BMERB1: variants seen among roughly 807,000 people sequenced by gnomAD.
BMERB1 encodes the protein bMERB domain containing 1, also known as bMERB domain-containing protein 1.
BMERB1 carries 12 observed loss-of-function variants against 23.6 expected under a neutral mutation model. The ratio of observed to expected loss-of-function variants is 0.51; its 90% CI spans 0.33 to 0.82. The LOEUF (loss-of-function observed/expected upper bound fraction) is 0.82. Ranked by LOEUF, BMERB1 falls within the 40% of genes least tolerant of loss-of-function variation. The pLI, the probability that BMERB1 is intolerant of heterozygous loss-of-function variation, is 0.03. For synonymous variants in BMERB1, 122 were observed against 96.6 expected (o/e 1.26, Z -1.54); for missense variants, 247 against 255.4 (o/e 0.97, Z 0.22).
At chr16:15,504,408 G>C (rs536234928) in intron 1 of BMERB1, among the ~76,000 whole-genome samples, 50 of 152,092 alleles carry the variant, frequency 3.3e-4, no homozygotes, top group Non-Finnish European at 5.3e-4. Flanking sequence ...ATGAGGAGTA[G>C]AGGGGAATTC....
intron 2 of BMERB1, among the ~76,000 whole-genome samples, chr16:15,517,908 T>G (rs1454891780): frequency 1.4e-5 from 2 of 141,270 alleles, no homozygotes; most frequent in Non-Finnish European, 3.0e-5. Context: ...TCTGTGTGTG[T>G]GTATGTGTGT....
At chr16:15,460,493 G>A (rs1050929701) in intron 1 of BMERB1, among the ~76,000 whole-genome samples, 1 of 152,124 alleles carries the variant, frequency 6.6e-6, no homozygotes, top group African/African-American at 2.4e-5. Flanking sequence ...TTAATAAAAA[G>A]TAAGACATTA....
At chr16:15,442,000 G>A (rs1237772704) in intron 1 of BMERB1, among the ~76,000 whole-genome samples, 1 of 152,106 alleles carries the variant, frequency 6.6e-6, no homozygotes, top group Non-Finnish European at 1.5e-5. Context: ...AGGGCCCCAT[G>A]GGTTGTCCTC....
intron 2 of BMERB1, among the ~76,000 whole-genome samples, chr16:15,562,230 G>A (rs1051524517): frequency 6.7e-6 from 1 of 150,102 alleles, no homozygotes; most frequent in Non-Finnish European, 1.5e-5. Flanking sequence ...TTGAACCCGG[G>A]AGGCAAAGGT....
intron 3 of BMERB1, among the ~76,000 whole-genome samples, chr16:15,574,294 T>C (rs2030805211): frequency 6.6e-6 from 1 of 152,122 alleles, no homozygotes; most frequent in South Asian, 2.1e-4. Flanking sequence ...ACCTGGTCTC[T>C]CCTTTGACAC....
chr16:15,493,219 G>T (rs375058004), intron 1 of BMERB1, among the ~76,000 whole-genome samples: 5 of 151,916 alleles, frequency 3.3e-5, no homozygotes, highest in African/African-American at 1.2e-4. Context: ...AGGCGTGGTG[G>T]TGCATGCCTG....
chr16:15,472,986 A>G (rs2051243105), intron 1 of BMERB1, among the ~76,000 whole-genome samples: 1 of 151,666 alleles, frequency 6.6e-6, no homozygotes, highest in South Asian at 2.1e-4. Flanking sequence ...CAGCCTCCCA[A>G]GTAGCTGAGA....
chr16:15,568,160 T>C, intron 3 of BMERB1, 104 bp downstream of exon 3: 1 of 912,006 alleles, frequency 1.1e-6, no homozygotes, highest in South Asian at 1.5e-5. Flanking sequence ...ATTCTTGCAA[T>C]GCAGTGCTCC....
chr16:15,547,391 G>C (rs192220768), intron 2 of BMERB1, among the ~76,000 whole-genome samples: 9 of 150,796 alleles, frequency 6.0e-5, no homozygotes, highest in African/African-American at 2.2e-4. Flanking sequence ...GCCCAGGCTG[G>C]AGTGCAATGG....
intron 1 of BMERB1, among the ~76,000 whole-genome samples, chr16:15,477,595 C>T (rs1010416819): frequency 1.4e-4 from 21 of 152,056 alleles, no homozygotes; most frequent in African/African-American, 5.1e-4. Flanking sequence ...CGTGTCACTC[C>T]ACTCCAGCCT....
At chr16:15,539,006 G>C (rs1437333229) in intron 2 of BMERB1, among the ~76,000 whole-genome samples, 3 of 152,240 alleles carry the variant, frequency 2.0e-5, no homozygotes, top group Non-Finnish European at 2.9e-5. Context: ...GGGATGGGGT[G>C]GGGGCATGGT....
At chr16:15,494,946 C>T (rs2051459611) in intron 1 of BMERB1, among the ~76,000 whole-genome samples, 3 of 123,840 alleles carry the variant, frequency 2.4e-5, no homozygotes, top group South Asian at 5.4e-4. Flanking sequence ...TGCAGTGGCT[C>T]GATCTCAGCT....
chr16:15,586,442 A>G (rs561832397), intron 5 of BMERB1, among the ~76,000 whole-genome samples: 9 of 152,354 alleles, frequency 5.9e-5, no homozygotes, highest in South Asian at 2.1e-4. Flanking sequence ...CTTGGCAGGT[A>G]CAATGATGAT....
chr16:15,443,000 C>T (rs971299723), intron 1 of BMERB1, among the ~76,000 whole-genome samples: 3 of 152,160 alleles, frequency 2.0e-5, no homozygotes, highest in Non-Finnish European at 4.4e-5. Context: ...GTAATCCCAG[C>T]ACTTTGGGAG....
chr16:15,458,562 A>G (rs2051106763), intron 1 of BMERB1, among the ~76,000 whole-genome samples: 1 of 151,866 alleles, frequency 6.6e-6, no homozygotes, highest in Non-Finnish European at 1.5e-5. Context: ...AAACAATATG[A>G]AAAAATTAGC....
chr16:15,551,636 C>T (rs760207154), intron 2 of BMERB1, among the ~76,000 whole-genome samples: 6 of 152,138 alleles, frequency 3.9e-5, no homozygotes, highest in Non-Finnish European at 7.3e-5. Flanking sequence ...AGGCTTTACA[C>T]AGGGATGCAC....
chr16:15,513,361 G>A (rs1414504348), intron 1 of BMERB1, among the ~76,000 whole-genome samples: 2 of 152,180 alleles, frequency 1.3e-5, no homozygotes, highest in East Asian at 3.9e-4. Context: ...ATAGAAAACC[G>A]CCCCGCCTTC....
chr16:15,580,094 A>G (rs1326083168), intron 3 of BMERB1, among the ~76,000 whole-genome samples: 10 of 144,704 alleles, frequency 6.9e-5, no homozygotes, highest in African/African-American at 2.6e-4. Flanking sequence ...CTGCCCTCTC[A>G]ATTTTTTTTT....
At chr16:15,496,746 G>T (rs972065874) in intron 1 of BMERB1, among the ~76,000 whole-genome samples, 16 of 152,090 alleles carry the variant, frequency 1.1e-4, no homozygotes, top group Non-Finnish European at 2.1e-4. Context: ...CACCATGTTA[G>T]CCAGGATGGT....
Sources: gnomAD v4.1 joint callset for allele counts (sites outside exome capture counted in the v4.1 genomes callset) on GRCh38, gnomAD v4.1.1 for gene constraint, MANE v1.5 for transcripts, NCBI Gene and HGNC (gene_info 2026-07-23, HGNC 2026-07-21) for gene names.